The following B3GALT1 variants were observed in gnomAD, a reference collection of about 807,000 sequenced individuals.
B3GALT1 encodes beta-1,3-galactosyltransferase 1, also known as UDP-Gal:betaGlcNAc beta 1,3-galactosyltransferase, polypeptide 1.
In B3GALT1, 10 loss-of-function variants were observed where a neutral mutation model predicts 23.2. The observed-to-expected ratio is 0.43, with a 90% confidence interval of 0.27 to 0.73. B3GALT1 has a LOEUF of 0.73. Ranked by LOEUF, B3GALT1 falls within the 30% of genes least tolerant of loss-of-function variation. B3GALT1 has a pLI of 0.21. For missense variants in B3GALT1, 299 were observed against 405.4 expected (o/e 0.74, Z 2.25); for synonymous variants, 156 against 141.5 (o/e 1.10, Z -0.73).
chr2:167,849,749 GT>G (rs1689836803), intron 4 of B3GALT1, among the ~76,000 whole-genome samples: 1 of 152,058 alleles, frequency 6.6e-6, no homozygotes, highest in Non-Finnish European at 1.5e-5. Flanking sequence ...AATTAGCCAG[GT>G]GTGGTGGCAG....
intron 3 of B3GALT1, among the ~76,000 whole-genome samples, chr2:167,699,636 C>G (rs1458941636): frequency 6.6e-6 from 1 of 152,090 alleles, no homozygotes; most frequent in Non-Finnish European, 1.5e-5. Flanking sequence ...TATAGCATCT[C>G]AGTCATCAAT....
At chr2:167,428,504 G>A (rs777147711) in intron 1 of B3GALT1, among the ~76,000 whole-genome samples, 22 of 151,888 alleles carry the variant, frequency 1.4e-4, no homozygotes, top group Non-Finnish European at 2.5e-4. Flanking sequence ...GTGAAACCTC[G>A]TCTCTACTAA....
chr2:167,693,226 C>A (rs1439949100), intron 3 of B3GALT1, among the ~76,000 whole-genome samples: 1 of 151,528 alleles, frequency 6.6e-6, no homozygotes, highest in Non-Finnish European at 1.5e-5. Flanking sequence ...TTTGAAGAGC[C>A]ACACTTGAAA....
At chr2:167,705,415 TAATC>T (rs1686952916) in intron 3 of B3GALT1, among the ~76,000 whole-genome samples, 1 of 152,210 alleles carries the variant, frequency 6.6e-6, no homozygotes, top group African/African-American at 2.4e-5. Flanking sequence ...GGGGCAGACT[TAATC>T]AATGACAAGG....
chr2:167,490,144 C>T (rs1333671755), intron 1 of B3GALT1, 33 bp from the exon 2 acceptor site: 1 of 152,158 alleles, frequency 6.6e-6, no homozygotes, highest in Non-Finnish European at 1.5e-5. Flanking sequence ...GAAGTGCCTC[C>T]AAAGTTACTC....
At chr2:167,325,827 C>T (rs142995312) in intron 1 of B3GALT1, among the ~76,000 whole-genome samples, 1 of 151,410 alleles carries the variant, frequency 6.6e-6, no homozygotes, top group African/African-American at 2.4e-5. Flanking sequence ...AAGCAATTCT[C>T]CTGCATCAGC....
In B3GALT1 at chr2:167,572,751, C is replaced by CA. The variant is rs910912815; in HGVS notation, c.-409-74152dup. Among the ~76,000 whole-genome samples the CA allele has an allele frequency of 4.0e-5, 6 of 151,674 alleles. No individual in the cohort carries two copies. In the South Asian group the frequency reaches 8.3e-4, roughly 21 times the overall value. On this transcript the variant is annotated intron_variant, in intron 2 of 4. Transcript: ENST00000392690. The stretch of plus-strand genomic sequence containing the variant: ...TTGGTAGGTGACCTAGCTCACTTTA[C>CA]AAAAAATATGTCCGTATTTTTACTC...
intron 1 of B3GALT1, among the ~76,000 whole-genome samples, chr2:167,328,838 A>G (rs940559765): frequency 6.6e-6 from 1 of 152,056 alleles, no homozygotes; most frequent in South Asian, 2.1e-4. Flanking sequence ...TTTTTTAACC[A>G]CGTCTCACTT....
rs975780366 is a variant in B3GALT1, at chr2:167,848,935, C to T, written c.-229-19876C>T. Among the ~76,000 whole-genome samples, 5 of 152,070 alleles carry T rather than the reference C, an allele frequency of 3.3e-5. No individual in the cohort carries two copies. In the South Asian group the frequency reaches 1.0e-3, roughly 32 times the overall value. On this transcript the variant is annotated intron_variant, in intron 4 of 4. Coordinates refer to ENST00000392690, the MANE Select transcript of B3GALT1 (RefSeq NM_020981.4). ...AATCAGTAGCTCTTCCATACACCAA[C>T]AGCAACCAAGTGGAGAATCAAATCA...
intron 1 of B3GALT1, among the ~76,000 whole-genome samples, chr2:167,461,636 A>T (rs1016700727): frequency 2.0e-5 from 3 of 152,118 alleles, no homozygotes; most frequent in African/African-American, 7.2e-5. Context: ...ATAATGAAAA[A>T]TTTTCAAAAG....
chr2:167,583,879 T>C (rs1457324277), intron 2 of B3GALT1, among the ~76,000 whole-genome samples: 1 of 152,182 alleles, frequency 6.6e-6, no homozygotes, highest in African/African-American at 2.4e-5. Flanking sequence ...TAGAGTCAGC[T>C]CCTGCTGTAA....
intron 2 of B3GALT1, among the ~76,000 whole-genome samples, chr2:167,575,250 T>C (rs1684360492): frequency 6.6e-6 from 1 of 151,850 alleles, no homozygotes; most frequent in African/African-American, 2.4e-5. Flanking sequence ...AGGGATTCAG[T>C]TGTCAAATAC....
At chr2:167,681,588 A>C in intron 3 of B3GALT1, among the ~76,000 whole-genome samples, 1 of 152,232 alleles carries the variant, frequency 6.6e-6, no homozygotes, top group East Asian at 1.9e-4. Context: ...AACTGATTTC[A>C]GTGGTTGATT....
At chr2:167,766,665 G>A (rs1687981712) in intron 3 of B3GALT1, among the ~76,000 whole-genome samples, 1 of 152,170 alleles carries the variant, frequency 6.6e-6, no homozygotes, top group Non-Finnish European at 1.5e-5. Context: ...AAAGTGGAAT[G>A]CCTAATGATT....
intron 1 of B3GALT1, among the ~76,000 whole-genome samples, chr2:167,473,732 T>A (rs778366571): frequency 6.6e-6 from 1 of 151,368 alleles, no homozygotes; most frequent in African/African-American, 2.4e-5. Context: ...GGGAAAGGAG[T>A]TTGGGGTTAA....
chr2:167,347,409 A>G (rs954607686), intron 1 of B3GALT1, among the ~76,000 whole-genome samples: 4 of 152,190 alleles, frequency 2.6e-5, no homozygotes, highest in African/African-American at 9.6e-5. Context: ...TTTTAATGGA[A>G]TTCAGTTCTA....
intron 1 of B3GALT1, among the ~76,000 whole-genome samples, chr2:167,337,257 G>C (rs978773389): frequency 9.2e-5 from 14 of 151,962 alleles, no homozygotes; most frequent in African/African-American, 3.4e-4. Context: ...GGGGATATAA[G>C]GTAATATGCT....
chr2:167,573,551 A>G (rs926763369), intron 2 of B3GALT1, among the ~76,000 whole-genome samples: 1 of 151,754 alleles, frequency 6.6e-6, no homozygotes, highest in South Asian at 2.1e-4. Context: ...TTTGGATTTT[A>G]TAGGATACTG....
intron 2 of B3GALT1, among the ~76,000 whole-genome samples, chr2:167,521,469 TTAAC>T (rs1391438304): frequency 1.3e-5 from 2 of 152,278 alleles, no homozygotes; most frequent in African/African-American, 2.4e-5. Flanking sequence ...ATGTACTTAC[TTAAC>T]TAACTACTAT....
Sources: allele counts gnomAD v4.1 joint callset (sites outside exome capture counted in the v4.1 genomes callset), GRCh38; gene constraint gnomAD v4.1.1; transcripts MANE v1.5; gene names NCBI Gene and HGNC (gene_info 2026-07-23, HGNC 2026-07-21).